Variants in LINGO2 observed in about 807,000 individuals in gnomAD.
The protein encoded by LINGO2 is leucine-rich repeat and immunoglobulin-like domain-containing nogo receptor-interacting protein 2.
In LINGO2, 14 loss-of-function variants were observed where a neutral mutation model predicts 30.6. The observed-to-expected ratio is 0.46, with a 90% confidence interval of 0.30 to 0.72. The LOEUF (loss-of-function observed/expected upper bound fraction) is 0.72. Ranked by LOEUF, LINGO2 falls within the 30% of genes least tolerant of loss-of-function variation. The pLI, the probability that LINGO2 is intolerant of heterozygous loss-of-function variation, is 0.07. For missense variants in LINGO2, 729 were observed against 751.7 expected, an observed-to-expected ratio of 0.97 and a Z score of 0.35; for synonymous variants, 317 against 288.5, an observed-to-expected ratio of 1.10 and a Z score of -1.00.
At chr9:28,840,058 C>A in the LINGO2 span, among the ~76,000 whole-genome samples, 1 of 149,512 alleles carries the variant, frequency 6.7e-6, no homozygotes, top group Non-Finnish European at 1.5e-5. Context: ...CAACCCTGCT[C>A]TGAAACTGGA....
the LINGO2 span, among the ~76,000 whole-genome samples, chr9:28,809,738 T>C: frequency 2.4e-5 from 3 of 125,162 alleles, no homozygotes; most frequent in South Asian, 2.8e-4. Context: ...AGGGCCAGAC[T>C]CTGTCTCAAA....
chr9:28,619,990 A>C (rs1826317693), intron 1 of LINGO2, among the ~76,000 whole-genome samples: 1 of 133,866 alleles, frequency 7.5e-6, no homozygotes, highest in Non-Finnish European at 1.7e-5. Context: ...CATTAAACTC[A>C]CTCTAAAAAC....
chr9:28,584,551 A>C (rs962936733), intron 1 of LINGO2, among the ~76,000 whole-genome samples: 13 of 149,070 alleles, frequency 8.7e-5, no homozygotes, highest in Non-Finnish European at 1.8e-4. Flanking sequence ...GGAATTGACC[A>C]AAAAAAAATT....
At chr9:29,128,225 C>T in the LINGO2 span, among the ~76,000 whole-genome samples, 2 of 152,080 alleles carry the variant, frequency 1.3e-5, no homozygotes, top group African/African-American at 4.8e-5. Flanking sequence ...AACGGGGACA[C>T]CCTAGGTGAT....
the LINGO2 span, among the ~76,000 whole-genome samples, chr9:29,119,149 A>G: frequency 6.6e-6 from 1 of 152,190 alleles, no homozygotes; most frequent in Non-Finnish European, 1.5e-5. Context: ...GGAAAGCCAT[A>G]ACAATCAGCA....
At chr9:28,299,448 ATT>A (rs60499003) in intron 3 of LINGO2, among the ~76,000 whole-genome samples, 1 of 150,662 alleles carries the variant, frequency 6.6e-6, no homozygotes, top group African/African-American at 2.4e-5. Flanking sequence ...ATTGCTTCTA[ATT>A]TTTTTTTTCT....
chr9:28,298,836 G>C (rs928787144), intron 3 of LINGO2, among the ~76,000 whole-genome samples: 1 of 152,178 alleles, frequency 6.6e-6, no homozygotes, highest in Admixed American at 6.5e-5. Flanking sequence ...ATAAATCACT[G>C]TTGTACATTA....
At chr9:28,717,088 A>C in the LINGO2 span, among the ~76,000 whole-genome samples, 1 of 151,912 alleles carries the variant, frequency 6.6e-6, no homozygotes, top group African/African-American at 2.4e-5. Flanking sequence ...TTAATATATG[A>C]CCCCCAAGTA....
chr9:28,617,713 G>A (rs1365653516), intron 1 of LINGO2, among the ~76,000 whole-genome samples: 1 of 151,616 alleles, frequency 6.6e-6, no homozygotes, highest in African/African-American at 2.4e-5. Context: ...ATTCATCCCT[G>A]TTTTCATCTT....
the LINGO2 span, among the ~76,000 whole-genome samples, chr9:28,684,001 CAA>C: frequency 6.6e-6 from 1 of 151,622 alleles, no homozygotes; most frequent in East Asian, 1.9e-4. Flanking sequence ...TTTTATAAAT[CAA>C]AACTTTTTTT....
chr9:27,965,106 C>G (rs931008641), intron 5 of LINGO2, among the ~76,000 whole-genome samples: 45 of 152,212 alleles, frequency 3.0e-4, no homozygotes, highest in African/African-American at 1.1e-3. Flanking sequence ...GTGTCTTTAA[C>G]TACAGGCAAA....
the LINGO2 span, among the ~76,000 whole-genome samples, chr9:28,854,751 C>T: frequency 7.9e-5 from 12 of 151,994 alleles, no homozygotes; most frequent in South Asian, 2.5e-3. Context: ...ATAAATACTG[C>T]TATATTCAGT....
chr9:29,151,325 AC>A, the LINGO2 span, among the ~76,000 whole-genome samples: 2 of 152,156 alleles, frequency 1.3e-5, no homozygotes, highest in Non-Finnish European at 2.9e-5. Context: ...TAGCACACAG[AC>A]ACTATAAAGC....
chr9:28,493,379 A>G (rs1416919450), intron 1 of LINGO2, among the ~76,000 whole-genome samples: 4 of 152,168 alleles, frequency 2.6e-5, no homozygotes, highest in Non-Finnish European at 5.9e-5. Context: ...CTGTTAGTAA[A>G]GATAACAAGT....
At chr9:28,253,823 T>C (rs1456569015) in intron 4 of LINGO2, among the ~76,000 whole-genome samples, 1 of 151,810 alleles carries the variant, frequency 6.6e-6, no homozygotes, top group Non-Finnish European at 1.5e-5. Context: ...TGTAAGCGGG[T>C]CCCCGGAAAA....
intron 3 of LINGO2, among the ~76,000 whole-genome samples, chr9:28,323,959 C>G (rs1441161027): frequency 6.6e-6 from 1 of 152,176 alleles, no homozygotes; most frequent in Non-Finnish European, 1.5e-5. Flanking sequence ...GGAAACCTAA[C>G]AGTACAAATG....
the LINGO2 span, among the ~76,000 whole-genome samples, chr9:29,212,233 C>A: frequency 1.2e-4 from 19 of 152,068 alleles, no homozygotes; most frequent in South Asian, 8.3e-4. Flanking sequence ...CCGGGACTGC[C>A]GCTCACGTCC....
intron 4 of LINGO2, among the ~76,000 whole-genome samples, chr9:28,247,524 T>G (rs1025544553): frequency 2.0e-5 from 3 of 152,142 alleles, no homozygotes; most frequent in Admixed American, 6.6e-5. Flanking sequence ...CTGTATGTTC[T>G]CACTCTTAGG....
intron 4 of LINGO2, among the ~76,000 whole-genome samples, chr9:28,014,817 G>A (rs1239825170): frequency 2.6e-5 from 4 of 152,036 alleles, no homozygotes; most frequent in Non-Finnish European, 5.9e-5. Flanking sequence ...AGTCCTCATA[G>A]AACTGTACAC....
Sources: allele counts gnomAD v4.1 joint callset (sites outside exome capture counted in the v4.1 genomes callset), GRCh38; gene constraint gnomAD v4.1.1; transcripts MANE v1.5; gene names NCBI Gene and HGNC (gene_info 2026-07-23, HGNC 2026-07-21).